Variants in CADM2 observed in about 807,000 individuals in gnomAD.
CADM2 encodes the protein immunoglobulin superfamily member 4D.
Under a neutral mutation model 49.8 loss-of-function variants are expected in CADM2, and 12 were observed. The ratio of observed to expected loss-of-function variants is 0.24; its 90% CI spans 0.15 to 0.39. The LOEUF (loss-of-function observed/expected upper bound fraction) is 0.39, where lower values mean the gene tolerates loss of function less well. Ranked by LOEUF, CADM2 falls within the 10% of genes least tolerant of loss-of-function variation. The probability of loss-of-function intolerance (pLI) is 1.00; values close to 1 mark genes in which losing one functional copy is unlikely to be tolerated. For missense variants in CADM2, 378 were observed against 492.3 expected (o/e 0.77, Z 2.20); for synonymous variants, 214 against 175.4 (o/e 1.22, Z -1.74).
At chr3:85,410,542 G>A (rs1050301444) in intron 1 of CADM2, among the ~76,000 whole-genome samples, 4 of 151,996 alleles carry the variant, frequency 2.6e-5, no homozygotes, top group African/African-American at 7.2e-5. Flanking sequence ...CTGTAATTGT[G>A]GATTTTTTAA....
intron 2 of CADM2, among the ~76,000 whole-genome samples, chr3:85,749,588 T>C (rs1383968606): frequency 6.7e-6 from 1 of 149,344 alleles, no homozygotes. Flanking sequence ...ATAAATAAAT[T>C]TTAAAAATGC....
At chr3:85,007,600 C>T (rs182036385) in intron 1 of CADM2, among the ~76,000 whole-genome samples, 99 of 152,216 alleles carry the variant, frequency 6.5e-4, no homozygotes, top group African/African-American at 2.3e-3. Flanking sequence ...ACAGAAGTCA[C>T]CATTTTAAAT....
intron 1 of CADM2, among the ~76,000 whole-genome samples, chr3:85,247,385 G>A (rs190637285): frequency 6.6e-6 from 1 of 152,208 alleles, no homozygotes; most frequent in East Asian, 1.9e-4. Flanking sequence ...TTCCGATAAA[G>A]CAGCATAACT....
intron 2 of CADM2, among the ~76,000 whole-genome samples, chr3:85,740,899 G>A (rs1298290406): frequency 6.6e-6 from 1 of 152,072 alleles, no homozygotes; most frequent in Non-Finnish European, 1.5e-5. Context: ...TCTTCATTTA[G>A]ATCTTGGTTC....
At chr3:85,333,062 C>T (rs1276188855) in intron 1 of CADM2, among the ~76,000 whole-genome samples, 2 of 151,648 alleles carry the variant, frequency 1.3e-5, no homozygotes, top group African/African-American at 4.8e-5. Context: ...TTCATTGTCT[C>T]GTTAGACATT....
intron 5 of CADM2, among the ~76,000 whole-genome samples, chr3:85,904,748 G>A (rs886928284): frequency 2.0e-4 from 30 of 151,920 alleles, no homozygotes; most frequent in African/African-American, 7.3e-4. Flanking sequence ...ATACTCATAC[G>A]TTTTCACGAT....
intron 1 of CADM2, among the ~76,000 whole-genome samples, chr3:85,437,180 G>C (rs780001555): frequency 6.6e-6 from 1 of 151,990 alleles, no homozygotes; most frequent in Non-Finnish European, 1.5e-5. Flanking sequence ...TGCTTTGATA[G>C]CTCATTTCTT....
chr3:85,474,912 T>C (rs2038916256), intron 1 of CADM2, among the ~76,000 whole-genome samples: 2 of 152,104 alleles, frequency 1.3e-5, no homozygotes, highest in South Asian at 4.1e-4. Flanking sequence ...ATAGTCTTCA[T>C]AAACTACAGA....
At chr3:85,554,151 G>T (rs2061889495) in intron 1 of CADM2, among the ~76,000 whole-genome samples, 2 of 151,930 alleles carry the variant, frequency 1.3e-5, no homozygotes, top group Admixed American at 1.3e-4. Context: ...GGGGCGGGAG[G>T]TGTTTTGAGG....
At chr3:85,976,936 T>A (rs950454840) in intron 8 of CADM2, among the ~76,000 whole-genome samples, 1 of 151,584 alleles carries the variant, frequency 6.6e-6, no homozygotes, top group African/African-American at 2.4e-5. Flanking sequence ...AATATTAACC[T>A]ATGGAAAAAT....
At chr3:85,589,027 T>G (rs1293970471) in intron 1 of CADM2, among the ~76,000 whole-genome samples, 1 of 152,030 alleles carries the variant, frequency 6.6e-6, no homozygotes, top group Non-Finnish European at 1.5e-5. Context: ...GGTCAAAGGC[T>G]ATGCATTATG....
At chr3:85,600,452 C>T (rs1227412804) in intron 1 of CADM2, among the ~76,000 whole-genome samples, 1 of 151,798 alleles carries the variant, frequency 6.6e-6, no homozygotes, top group African/African-American at 2.4e-5. Flanking sequence ...TTAATTACAC[C>T]TAATGCTAAG....
intron 1 of CADM2, among the ~76,000 whole-genome samples, chr3:84,964,706 A>G (rs540328688): frequency 6.6e-6 from 1 of 152,278 alleles, no homozygotes; most frequent in African/African-American, 2.4e-5. Context: ...AACAATTATT[A>G]TACTTAAGCT....
intron 1 of CADM2, among the ~76,000 whole-genome samples, chr3:85,289,685 A>C (rs1371155512): frequency 1.3e-5 from 2 of 152,274 alleles, no homozygotes; most frequent in Admixed American, 1.3e-4. Flanking sequence ...CCCTTCTCCA[A>C]ACCAATCTTT....
chr3:85,652,581 G>A (rs558991709), intron 1 of CADM2, among the ~76,000 whole-genome samples: 1 of 152,030 alleles, frequency 6.6e-6, no homozygotes, highest in South Asian at 2.1e-4. Flanking sequence ...TCACTTCTAT[G>A]CCAGCAACAA....
At chr3:85,864,630 T>G (rs2075657393) in intron 3 of CADM2, among the ~76,000 whole-genome samples, 4 of 152,194 alleles carry the variant, frequency 2.6e-5, no homozygotes, top group African/African-American at 9.7e-5. Flanking sequence ...AATTTAGTAA[T>G]TCCAAGTACA....
intron 1 of CADM2, among the ~76,000 whole-genome samples, chr3:85,511,141 C>T (rs1201465889): frequency 2.0e-5 from 3 of 152,066 alleles, no homozygotes; most frequent in Non-Finnish European, 4.4e-5. Flanking sequence ...AAGCACACCT[C>T]ACCCCTAGGA....
chr3:84,987,968 G>A (rs969464840), intron 1 of CADM2, among the ~76,000 whole-genome samples: 1 of 152,156 alleles, frequency 6.6e-6, no homozygotes, highest in African/African-American at 2.4e-5. Flanking sequence ...TCGTATAGGG[G>A]GTGGAAGGAT....
chr3:85,825,605 A>G (rs1345912809), intron 3 of CADM2, among the ~76,000 whole-genome samples: 3 of 152,078 alleles, frequency 2.0e-5, no homozygotes, highest in Non-Finnish European at 4.4e-5. Context: ...AGAATCTGAC[A>G]TAGCCACTAT....
Sources: allele counts gnomAD v4.1 joint callset (sites outside exome capture counted in the v4.1 genomes callset), GRCh38; gene constraint gnomAD v4.1.1; transcripts MANE v1.5; gene names NCBI Gene and HGNC (gene_info 2026-07-23, HGNC 2026-07-21).